TGM6: variants seen among roughly 807,000 people sequenced by gnomAD.
TGM6 encodes protein-glutamine gamma-glutamyltransferase 6.
Under a neutral mutation model 77.5 loss-of-function variants are expected in TGM6, and 74 were observed. That is an observed-to-expected ratio of 0.96 (90% confidence interval 0.79 to 1.16). The LOEUF (loss-of-function observed/expected upper bound fraction) is 1.16, where lower values mean the gene tolerates loss of function less well. Among genes scored for constraint, TGM6 ranks in the 50% most tolerant of loss-of-function variants. TGM6 has a pLI of 0.00. For synonymous variants in TGM6, 383 were observed against 378.9 expected (o/e 1.01, Z -0.12); for missense variants, 968 against 940.2 (o/e 1.03, Z -0.39).
At chr20:2,427,430 T>C (rs983465767) in intron 10 of TGM6, among the ~76,000 whole-genome samples, 1 of 152,218 alleles carries the variant, frequency 6.6e-6, no homozygotes, top group Non-Finnish European at 1.5e-5. Context: ...CTTCTCTCTT[T>C]TTTTTCTGAG....
In TGM6 at chr20:2,431,678, G is replaced by A. The variant is rs1466016597; in HGVS notation, c.1967+651G>A. Among the ~76,000 whole-genome samples the A allele has an allele frequency of 2.0e-5, 3 of 152,216 alleles. No homozygotes were observed. The East Asian group carries it at 5.8e-4, about 29-fold the overall frequency. ...TGAAAAAGATCTTGTCCAAGGTCTGGGGGAGCAAAAGCAGCCCTTAAGTGA... is the reference window on the plus strand; with the variant it reads ...TGAAAAAGATCTTGTCCAAGGTCTGAGGGAGCAAAAGCAGCCCTTAAGTGA... On this transcript the variant is annotated intron_variant, in intron 12 of 12. Transcript: ENST00000202625.
At chr20:2,401,387 A>G (rs2122369510) in intron 7 of TGM6, among the ~76,000 whole-genome samples, 3 of 152,292 alleles carry the variant, frequency 2.0e-5, no homozygotes, top group Admixed American at 2.0e-4. Flanking sequence ...ATCTCCTGTC[A>G]GAGAGATGCT....
Position 2,430,617 on chromosome 20 carries a change from T to C in TGM6, c.1833+17T>C. 17 of 1,613,820 alleles carry C rather than the reference T, an allele frequency of 1.1e-5. No individual in the cohort carries two copies. Among genetic ancestry groups the C allele is most frequent in the African/African-American group, 1.3e-5 (1 of 75,036 alleles). ...ACCATCAAGGTGACCTCAGCCTGCA[T>C]CTACCATGCTGTTCCTAGTGGCACC... is the stretch of plus-strand genomic sequence containing the variant. On this transcript the variant is annotated intron_variant, in intron 11 of 12. Coordinates refer to ENST00000202625, the MANE Select transcript of TGM6 (RefSeq NM_198994.3).
intron 10 of TGM6, among the ~76,000 whole-genome samples, chr20:2,421,576 T>A (rs1163838355): frequency 6.6e-6 from 1 of 152,242 alleles, no homozygotes; most frequent in South Asian, 2.1e-4. Flanking sequence ...GACATCTCTA[T>A]CTCTTCTTTG....
At chr20:2,386,211 C>A (rs1212545205) in intron 1 of TGM6, among the ~76,000 whole-genome samples, 1 of 152,122 alleles carries the variant, frequency 6.6e-6, no homozygotes, top group South Asian at 2.1e-4. Flanking sequence ...CCGGTAGTTC[C>A]CCCTGCAGAA....
intron 9 of TGM6, 92 bp downstream of exon 9, chr20:2,403,915 C>G: frequency 1.3e-6 from 2 of 1,599,458 alleles, no homozygotes; most frequent in Non-Finnish European, 1.7e-6. Flanking sequence ...CCAGGCCTCA[C>G]CCCATGTATA....
In TGM6 at chr20:2,395,213, C is replaced by T. The variant is rs887865573; in HGVS notation, c.201C>T (p.Ala67=). 1.9e-6 allele frequency: 3 copies of T among 1,613,734 alleles called. No individual in the cohort carries two copies. The highest frequency in any genetic ancestry group is 1.7e-5 in the Admixed American group (1 of 60,022). ...CTCCAGGACCCCGGGCTTCTGAGGC[C>T]CTCCACACCAAAGCTGTGTTCCAGA... The part of the protein sequence containing the change: ...TMETGPRASE[A]LHTKAVFQTS... Residue 67 remains alanine (A), a synonymous_variant, in exon 3 of 13, where the codon GCC becomes GCT. Transcript: ENST00000202625.
rs1028614681 is a variant in TGM6 at position 2,381,917 on chromosome 20, CA to C, written c.7+952del. On this transcript the variant is annotated intron_variant, in intron 1 of 12. Transcript: ENST00000202625. ...TGGGCAACAGAGTGAGACCCTGTCT[CA>C]AAAAAAAAAGAAAGTAAGATAATGT... is the stretch of plus-strand genomic sequence containing the variant. 9.5e-3 allele frequency among the ~76,000 whole-genome samples: 1,394 copies of C among 147,268 alleles called. 11 individuals carry two copies. The highest frequency in any genetic ancestry group is 0.024 in the African/African-American group (957 of 40,092).
rs1044435939 is a variant in TGM6, at chr20:2,400,268, C to G, written c.851-38C>G. The G allele has an allele frequency of 3.1e-6, 5 of 1,613,014 alleles. No homozygotes were observed. The African/African-American group carries it at 6.7e-5, about 22-fold the overall frequency. ...GGAAGCCAGGCCCCTCTCTCAGGGG[C>G]CAGGGTCCCGCCTGCTCCGAGCCTC... On this transcript the variant is annotated intron_variant, in intron 6 of 12. Transcript: ENST00000202625.
Position 2,430,678 on chromosome 20 carries a change from G to T in TGM6, c.1833+78G>T, listed in dbSNP as rs1049918434. The T allele has an allele frequency of 3.1e-6, 5 of 1,608,016 alleles. No homozygotes were observed. In the Admixed American group the frequency reaches 8.4e-5, roughly 27 times the overall value. On this transcript the variant is annotated intron_variant, in intron 11 of 12. Coordinates refer to ENST00000202625, the MANE Select transcript of TGM6 (RefSeq NM_198994.3). ...AGCTGGGGGAGGGCGTCAGAAGCTG[G>T]GGGGGTTTGTGCCTTTAACTCCAGC...
Position 2,399,083 on chromosome 20 carries a change from C to T in TGM6, c.673-478C>T, listed in dbSNP as rs1448977382. On this transcript the variant is annotated intron_variant, in intron 5 of 12. Coordinates refer to ENST00000202625, the MANE Select transcript of TGM6 (RefSeq NM_198994.3). ...ACTCATGGATCACCACTTGGACTAA[C>T]TTGCTGTGTGATTTGGGCAGGTCCC... Among the ~76,000 whole-genome samples, 3 of 149,566 alleles carry T rather than the reference C, an allele frequency of 2.0e-5. No homozygotes were observed. In the Admixed American group the frequency reaches 2.0e-4, roughly 10 times the overall value.
chr20:2,403,345 C>T (rs559070732), intron 7 of TGM6, 52 bp from the exon 8 acceptor site: 2 of 1,599,788 alleles, frequency 1.3e-6, no homozygotes, highest in South Asian at 1.1e-5. Flanking sequence ...TAGGATCTTC[C>T]CTTCCTATGC....
At chr20:2,429,208 T>C (rs1356206997) in intron 10 of TGM6, among the ~76,000 whole-genome samples, 1 of 152,144 alleles carries the variant, frequency 6.6e-6, no homozygotes, top group African/African-American at 2.4e-5. Flanking sequence ...TAAAACAAAA[T>C]CATACTTTAA....
Position 2,395,409 on chromosome 20 carries a change from G to A in TGM6, c.397G>A (p.Val133Ile). 1 of 1,614,256 alleles carries A rather than the reference G, an allele frequency of 6.2e-7. No individual in the cohort carries two copies. The highest frequency in any genetic ancestry group is 8.5e-7 in the Non-Finnish European group (1 of 1,180,040). Residue 133 changes from valine to isoleucine, a missense_variant, in exon 3 of 13, where the codon GTT becomes ATT. Transcript: ENST00000202625. ...CAGCAACCGGAGGCTGGGCGAGTTT[G>A]TTCTCCTTTTCAACCCATGGTGTGC... ...KHSNRRLGEFVLLFNPWCAED... is the reference protein window; with the variant it reads ...KHSNRRLGEFILLFNPWCAED...
intron 3 of TGM6, 137 bp downstream of exon 3, chr20:2,395,573 G>A (rs2084659555): frequency 1.3e-6 from 2 of 1,489,040 alleles, no homozygotes; most frequent in African/African-American, 2.8e-5. Context: ...ACTTAGCCTA[G>A]GCAGAGGTAG....
At position 2,430,992 on chromosome 20, in the gene TGM6, G is replaced by A. The variant is rs1303333465; in HGVS notation, c.1932G>A (p.Glu644=). ...TGAAGGACTGTGCGCTGATGGTGGA[G>A]GGCAGCGGCCTTCTCCAGGAACAGC... is the stretch of plus-strand genomic sequence containing the variant. The part of the protein sequence containing the change: ...ERVKDCALMV[E]GSGLLQEQLS... Residue 644 remains glutamate, a synonymous_variant, in exon 12 of 13, where the codon GAG becomes GAA. Coordinates refer to ENST00000202625, the MANE Select transcript of TGM6 (RefSeq NM_198994.3). The A allele has an allele frequency of 1.2e-6, 2 of 1,614,108 alleles. No individual in the cohort carries two copies. The highest frequency in any genetic ancestry group is 1.7e-6 in the Non-Finnish European group (2 of 1,180,012).
chr20:2,430,798 A>G, intron 11 of TGM6, 96 bp from the exon 12 acceptor site: 1 of 1,609,004 alleles, frequency 6.2e-7, no homozygotes, highest in Non-Finnish European at 8.5e-7. Flanking sequence ...GGGGGTGGAC[A>G]TGACTAATGA....
Position 2,430,938 on chromosome 20 carries a change from G to A in TGM6, c.1878G>A (p.Val626=). 6.2e-7 allele frequency: 1 copy of A among 1,614,174 alleles called. No homozygotes were observed. Among genetic ancestry groups the A allele is most frequent in the East Asian group, 2.2e-5 (1 of 44,876 alleles). Residue 626 remains valine (V), a synonymous_variant, in exon 12 of 13, where the codon GTG becomes GTA. Transcript: ENST00000202625. ...AMVGVAVTVE[V]TVVNPLIERV... is the part of the protein sequence containing the mutation. ...TGGGAGTGGCAGTTACAGTGGAAGT[G>A]ACAGTAGTCAACCCCCTCATAGAGA...
At chr20:2,429,246 G>A (rs968888014) in intron 10 of TGM6, among the ~76,000 whole-genome samples, 10 of 152,152 alleles carry the variant, frequency 6.6e-5, no homozygotes, top group African/African-American at 2.4e-4. Context: ...TGGCATTCAG[G>A]AGAATCTACG....
Sources: allele counts gnomAD v4.1 joint callset (sites outside exome capture counted in the v4.1 genomes callset), GRCh38; gene constraint gnomAD v4.1.1; transcripts MANE v1.5; gene names NCBI Gene and HGNC (gene_info 2026-07-23, HGNC 2026-07-21).